The following LRRK1 variants were observed in gnomAD, a reference collection of about 807,000 sequenced individuals.
LRRK1 encodes the protein leucine rich repeat kinase 1.
A neutral mutation model predicts 209.1 loss-of-function variants in LRRK1; 113 were observed. The observed-to-expected ratio is 0.54, with a 90% CI of 0.46 to 0.63. The LOEUF is 0.63. Among genes scored for constraint, LRRK1 ranks in the 30% least tolerant of loss-of-function variants. The probability of loss-of-function intolerance (pLI) is 0.00; values close to 1 mark genes in which losing one functional copy is unlikely to be tolerated. For missense variants in LRRK1, 2,284 were observed against 2,632.2 expected (o/e 0.87, Z 2.89); for synonymous variants, 1,144 against 1,099.7 (o/e 1.04, Z -0.80).
intron 17 of LRRK1, among the ~76,000 whole-genome samples, chr15:101,026,722 G>A (rs1444035226): frequency 2.0e-5 from 3 of 152,246 alleles, no homozygotes; most frequent in Admixed American, 2.0e-4. Flanking sequence ...AGCAAATTAA[G>A]TGTGCCCTAA....
chr15:101,072,184 C>G lies in LRRK1; in HGVS notation c.*3336C>G, dbSNP rs2036832610. On this transcript the variant is annotated 3_prime_UTR_variant, in exon 34 of 34. Transcript: ENST00000388948. The stretch of plus-strand genomic sequence containing the variant: ...TGGAGGGCATTCTGGACTTATCTAC[C>G]AAAATTTCAAATGCACATACCCTCT... 1 of 152,210 alleles carries G rather than the reference C, an allele frequency of 6.6e-6. No individual in the cohort carries two copies. The highest frequency in any genetic ancestry group is 2.4e-5 in the African/African-American group (1 of 41,458). The allele number at this position is 152,210 out of a possible 1,614,324, so 9.4% of individuals were successfully genotyped here.
At chr15:101,061,577 C>T (rs763627093) in intron 30 of LRRK1, among the ~76,000 whole-genome samples, 50 of 152,326 alleles carry the variant, frequency 3.3e-4, no homozygotes, top group Non-Finnish European at 5.3e-4. Context: ...AGGCTAGGGA[C>T]GTGCCTGTGT....
chr15:100,989,459 C>T (rs1567218392), intron 6 of LRRK1, 61 bp downstream of exon 6: 4 of 1,538,148 alleles, frequency 2.6e-6, no homozygotes, highest in Non-Finnish European at 3.6e-6. Flanking sequence ...TAACAGAATC[C>T]TGCAGACTGG....
chr15:100,970,043 C>G lies in LRRK1; in HGVS notation c.98-3761C>G, dbSNP rs148445254. On this transcript the variant is annotated intron_variant, in intron 2 of 33. Transcript: ENST00000388948. ...AGCTGAGATTACAGGTGCCCACCAC[C>G]ACGCTGGGCTAATTTTTTGTATTTT... Among the ~76,000 whole-genome samples the G allele has an allele frequency of 7.5e-3, 1,140 of 152,232 alleles. 17 individuals are homozygous for G. Among genetic ancestry groups the G allele is most frequent in the African/African-American group, 0.025 (1,050 of 41,514 alleles).
At chr15:101,057,084 C>T (rs769656563) in intron 28 of LRRK1, 34 bp downstream of exon 28, 4 of 1,531,824 alleles carry the variant, frequency 2.6e-6, no homozygotes, top group Admixed American at 4.1e-5. Flanking sequence ...GGCCTGGGAC[C>T]TCCTGCCATG....
chr15:101,028,614 A>G (rs28533308), intron 19 of LRRK1, among the ~76,000 whole-genome samples: 16,942 of 152,262 alleles, frequency 0.11, 3,088 homozygotes, highest in African/African-American at 0.38. Flanking sequence ...ATTTTTCACC[A>G]CTCAGCACAT....
chr15:101,066,921 T>G (rs2036561061), intron 33 of LRRK1, among the ~76,000 whole-genome samples, 180 bp downstream of exon 33: 1 of 152,170 alleles, frequency 6.6e-6, no homozygotes, highest in South Asian at 2.1e-4. Flanking sequence ...TCCTAGGGGC[T>G]CCGCACTGGC....
At chr15:101,011,591 T>C (rs2141695130) in intron 9 of LRRK1, among the ~76,000 whole-genome samples, 1 of 151,716 alleles carries the variant, frequency 6.6e-6, no homozygotes, top group Non-Finnish European at 1.5e-5. Context: ...AGAATGTGTG[T>C]GTGTGTGTGT....
intron 2 of LRRK1, among the ~76,000 whole-genome samples, chr15:100,951,961 A>ATAATAAT (rs998059819): frequency 7.4e-6 from 1 of 134,772 alleles, no homozygotes; most frequent in South Asian, 2.4e-4. Flanking sequence ...CTCAGAAAAA[A>ATAATAAT]AAAAATAATA....
chr15:100,989,115 C>T (rs921618013), intron 5 of LRRK1, 135 bp from the exon 6 acceptor site: 15 of 831,756 alleles, frequency 1.8e-5, no homozygotes, highest in Non-Finnish European at 2.9e-5. Context: ...CTTGATGCAC[C>T]AAGGGAAGTA....
intron 2 of LRRK1, among the ~76,000 whole-genome samples, chr15:100,941,450 GTGTGTCTATGTCTC>G (rs2141610897): frequency 3.0e-5 from 4 of 133,892 alleles, no homozygotes; most frequent in African/African-American, 3.1e-5. Flanking sequence ...GTGTGTCTGT[GTGTGTCTATGTCTC>G]TGTGTGTGTG....
chr15:101,042,464 C>A (rs2034811931), intron 20 of LRRK1, among the ~76,000 whole-genome samples: 1 of 152,148 alleles, frequency 6.6e-6, no homozygotes, highest in Non-Finnish European at 1.5e-5. Context: ...GCCACCTGCT[C>A]TGCTGCAGCC....
intron 2 of LRRK1, among the ~76,000 whole-genome samples, chr15:100,969,945 G>A (rs981881608): frequency 6.6e-6 from 1 of 151,384 alleles, no homozygotes; most frequent in African/African-American, 2.4e-5. Context: ...CTGAAGTGCA[G>A]TGGTGCTACC....
At chr15:100,972,204 C>A (rs2030930130) in intron 2 of LRRK1, among the ~76,000 whole-genome samples, 1 of 152,078 alleles carries the variant, frequency 6.6e-6, no homozygotes, top group Non-Finnish European at 1.5e-5. Context: ...CTCAAGTAAT[C>A]TGCCTGCCTC....
At position 100,991,702 on chromosome 15, in the gene LRRK1, C is replaced by T. The variant is rs989300500; in HGVS notation, c.762+2304C>T. ...TCTCTTTTTTCTAATATTTATACAA[C>T]TTATTATTCCATGTCTTATTGTGTA... On this transcript the variant is annotated intron_variant, in intron 6 of 33. Transcript: ENST00000388948. Among the ~76,000 whole-genome samples the T allele has an allele frequency of 5.9e-5, 9 of 152,062 alleles. No individual in the cohort carries two copies. In the East Asian group the frequency reaches 1.7e-3, roughly 29 times the overall value.
Position 101,009,023 on chromosome 15 carries a change from C to G in LRRK1, c.949C>G (p.Leu317Val). The change falls in exon 7 of 34, where the codon CTG becomes GTG. Residue 317 changes from leucine (L) to valine (V), a missense_variant. Coordinates refer to ENST00000388948, the MANE Select transcript of LRRK1 (RefSeq NM_024652.6). Reference protein sequence around the residue: ...LNLSDNHLGELPGVQSSDEII... With the variant: ...LNLSDNHLGEVPGVQSSDEII... ...CCTCTCCGACAACCACCTGGGGGAGCTGCCTGGCGTGCAGTCATCGGACGA... is the reference window on the plus strand; with the variant it reads ...CCTCTCCGACAACCACCTGGGGGAGGTGCCTGGCGTGCAGTCATCGGACGA... 6.2e-7 allele frequency: 1 copy of G among 1,614,248 alleles called. No individual in the cohort carries two copies. The highest frequency in any genetic ancestry group is 1.7e-5 in the Admixed American group (1 of 60,034).
intron 26 of LRRK1, among the ~76,000 whole-genome samples, chr15:101,054,468 C>A (rs1472356656): frequency 6.6e-6 from 1 of 152,204 alleles, no homozygotes; most frequent in Non-Finnish European, 1.5e-5. Context: ...ATTCTCTGTC[C>A]TTTATGGCAG....
chr15:101,014,281 A>G (rs1379475518), intron 10 of LRRK1, 35 bp from the exon 11 acceptor site: 3 of 1,451,358 alleles, frequency 2.1e-6, no homozygotes, highest in South Asian at 1.2e-5. Context: ...ATCTGATGCT[A>G]TCTTAGCTTC....
chr15:101,052,240 C>T (rs570183028), intron 24 of LRRK1, among the ~76,000 whole-genome samples: 92 of 152,344 alleles, frequency 6.0e-4, no homozygotes, highest in Non-Finnish European at 6.8e-4. Flanking sequence ...CCCTTCCCCT[C>T]GTAGCCAGAG....
Sources: allele counts gnomAD v4.1 joint callset (sites outside exome capture counted in the v4.1 genomes callset), GRCh38; gene constraint gnomAD v4.1.1; transcripts MANE v1.5; gene names NCBI Gene and HGNC (gene_info 2026-07-23, HGNC 2026-07-21).